The following L3MBTL4 variants were observed in gnomAD, a reference collection of about 807,000 sequenced individuals.
L3MBTL4 encodes lethal(3)malignant brain tumor-like protein 4.
In L3MBTL4, 70 loss-of-function variants were observed where a neutral mutation model predicts 84.5. That is an observed-to-expected ratio of 0.83 (90% confidence interval 0.68 to 1.01). The LOEUF (loss-of-function observed/expected upper bound fraction) is 1.01, where lower values mean the gene tolerates loss of function less well. Among genes scored for constraint, L3MBTL4 ranks in the 50% least tolerant of loss-of-function variants. The pLI, the probability that L3MBTL4 is intolerant of heterozygous loss-of-function variation, is 0.00. For missense variants in L3MBTL4, 715 were observed against 754.8 expected, an observed-to-expected ratio of 0.95 and a Z score of 0.62; for synonymous variants, 274 against 259.8, an observed-to-expected ratio of 1.05 and a Z score of -0.52.
intron 1 of L3MBTL4, among the ~76,000 whole-genome samples, chr18:6,406,170 G>A (rs185824979): frequency 2.0e-5 from 3 of 152,310 alleles, no homozygotes; most frequent in Non-Finnish European, 2.9e-5. Flanking sequence ...AGAAAACCTC[G>A]TGGACTGGAA....
intron 12 of L3MBTL4, among the ~76,000 whole-genome samples, chr18:6,186,002 A>ATATTG (rs2044738355): frequency 7.5e-6 from 1 of 134,184 alleles, no homozygotes; most frequent in Non-Finnish European, 1.5e-5. Context: ...TTATTATTTT[A>ATATTG]TATTTTATTT....
chr18:6,107,141 A>C (rs896358813), intron 14 of L3MBTL4, among the ~76,000 whole-genome samples: 7 of 152,194 alleles, frequency 4.6e-5, no homozygotes, highest in Non-Finnish European at 1.0e-4. Context: ...AAATAAATAT[A>C]ATATAAAGAA....
chr18:6,232,714 T>G (rs2047047507), intron 10 of L3MBTL4, among the ~76,000 whole-genome samples: 1 of 152,144 alleles, frequency 6.6e-6, no homozygotes, highest in Admixed American at 6.6e-5. Flanking sequence ...TTCATTTTAT[T>G]TTCTTTGTTA....
intron 4 of L3MBTL4, among the ~76,000 whole-genome samples, chr18:6,295,203 C>T (rs953054103): frequency 6.6e-6 from 1 of 151,344 alleles, no homozygotes; most frequent in African/African-American, 2.4e-5. Flanking sequence ...ACCTGGGAGG[C>T]GGAAGTTGCA....
chr18:6,072,517 C>T lies in L3MBTL4; in HGVS notation c.1444+8364G>A, dbSNP rs189829421. Among the ~76,000 whole-genome samples the T allele has an allele frequency of 2.6e-5, 4 of 151,842 alleles. No homozygotes were observed. In the East Asian group the frequency reaches 5.8e-4, roughly 22 times the overall value. On this transcript the variant is annotated intron_variant, in intron 16 of 18. Transcript: ENST00000317931. Reference sequence around the variant, plus strand: ...GCAGGAAAAGCCATGCTTAAATTAACGCTAATATAGTTTTAGGTGCATATA... The same window carrying T: ...GCAGGAAAAGCCATGCTTAAATTAATGCTAATATAGTTTTAGGTGCATATA...
At chr18:6,315,268 T>C (rs1195137028) in intron 1 of L3MBTL4, among the ~76,000 whole-genome samples, 1 of 152,228 alleles carries the variant, frequency 6.6e-6, no homozygotes, top group Admixed American at 6.5e-5. Flanking sequence ...TCAAAGATAC[T>C]GCCAGCCTAG....
intron 4 of L3MBTL4, among the ~76,000 whole-genome samples, chr18:6,291,345 G>A (rs961387472): frequency 5.3e-5 from 8 of 152,106 alleles, no homozygotes; most frequent in South Asian, 4.2e-4. Flanking sequence ...GTCATTGTTC[G>A]CTTTAATTCA....
intron 1 of L3MBTL4, among the ~76,000 whole-genome samples, chr18:6,354,565 G>C (rs2053349119): frequency 6.6e-6 from 1 of 152,002 alleles, no homozygotes; most frequent in South Asian, 2.1e-4. Flanking sequence ...TAAATAAGGA[G>C]CTCAAGCAAC....
chr18:6,064,009 G>T (rs2057321688), intron 16 of L3MBTL4, among the ~76,000 whole-genome samples: 1 of 151,782 alleles, frequency 6.6e-6, no homozygotes, highest in African/African-American at 2.4e-5. Flanking sequence ...TTAAGTTTTT[G>T]ATCTATCTTG....
intron 16 of L3MBTL4, among the ~76,000 whole-genome samples, chr18:6,021,604 T>C (rs370022405): frequency 1.3e-5 from 2 of 152,164 alleles, no homozygotes; most frequent in African/African-American, 4.8e-5. Context: ...TGGAATTGAC[T>C]AAATAGCAGC....
intron 16 of L3MBTL4, among the ~76,000 whole-genome samples, chr18:6,066,937 T>C (rs2057421190): frequency 6.6e-6 from 1 of 151,948 alleles, no homozygotes; most frequent in Non-Finnish European, 1.5e-5. Flanking sequence ...TTTTTTTCAT[T>C]GTGTTATTGT....
chr18:6,172,007 A>T, intron 12 of L3MBTL4, 65 bp from the exon 13 acceptor site: 1 of 739,248 alleles, frequency 1.4e-6, no homozygotes, highest in Non-Finnish European at 2.3e-6. Context: ...CTGTATCAAA[A>T]TATTTGAATA....
chr18:6,066,761 G>C (rs186028054), intron 16 of L3MBTL4, among the ~76,000 whole-genome samples: 201 of 152,020 alleles, frequency 1.3e-3, no homozygotes, highest in Non-Finnish European at 1.8e-3. Context: ...TATGTGTTAG[G>C]TGGGTCTCTT....
chr18:6,076,894 T>C (rs1321509217), intron 16 of L3MBTL4, among the ~76,000 whole-genome samples: 1 of 152,190 alleles, frequency 6.6e-6, no homozygotes, highest in Non-Finnish European at 1.5e-5. Context: ...GGTGGTGCAA[T>C]GCAGTGGCCG....
At chr18:6,062,829 ATTT>A (rs35283365) in intron 16 of L3MBTL4, among the ~76,000 whole-genome samples, 2 of 133,856 alleles carry the variant, frequency 1.5e-5, no homozygotes, top group African/African-American at 5.1e-5. Context: ...AGCATTTCCA[ATTT>A]TTTTTTTTTT....
chr18:6,056,938 C>T (rs181565560), intron 16 of L3MBTL4, among the ~76,000 whole-genome samples: 45 of 152,168 alleles, frequency 3.0e-4, no homozygotes, highest in Non-Finnish European at 4.6e-4. Context: ...GCTAGATGAA[C>T]ATATTGTTAT....
intron 16 of L3MBTL4, among the ~76,000 whole-genome samples, chr18:6,066,933 T>TTC (rs1187489555): frequency 1.3e-5 from 2 of 151,896 alleles, no homozygotes; most frequent in African/African-American, 4.8e-5. Context: ...TTTTTTTTTT[T>TTC]CATTGTGTTA....
intron 13 of L3MBTL4, among the ~76,000 whole-genome samples, chr18:6,150,906 T>C (rs1007251696): frequency 1.3e-5 from 2 of 152,172 alleles, no homozygotes; most frequent in African/African-American, 4.8e-5. Flanking sequence ...CATGATACAG[T>C]CTAACCATTC....
At chr18:6,144,069 C>CG (rs1475279482) in intron 13 of L3MBTL4, among the ~76,000 whole-genome samples, 5 of 151,748 alleles carry the variant, frequency 3.3e-5, no homozygotes, top group Admixed American at 2.6e-4. Context: ...TGGTGGCAGG[C>CG]CCTGTAGTCC....
Sources: allele counts gnomAD v4.1 joint callset (sites outside exome capture counted in the v4.1 genomes callset), GRCh38; gene constraint gnomAD v4.1.1; transcripts MANE v1.5; gene names NCBI Gene and HGNC (gene_info 2026-07-23, HGNC 2026-07-21).